The following DGKB variants were observed in gnomAD, a reference collection of about 807,000 sequenced individuals.
DGKB encodes diacylglycerol kinase beta, also known as 90 kDa diacylglycerol kinase.
DGKB carries 67 observed loss-of-function variants against 114.3 expected under a neutral mutation model. That is an observed-to-expected ratio of 0.59 (90% CI 0.48 to 0.72). DGKB has a LOEUF of 0.72. Ranked by LOEUF, DGKB falls within the 30% of genes least tolerant of loss-of-function variation. The pLI, the probability that DGKB is intolerant of heterozygous loss-of-function variation, is 0.00. For missense variants in DGKB, 907 were observed against 975.2 expected (o/e 0.93, Z 0.93); for synonymous variants, 398 against 323.1 (o/e 1.23, Z -2.49).
intron 1 of DGKB, among the ~76,000 whole-genome samples, chr7:14,851,326 T>C (rs183379099): frequency 1.1e-4 from 17 of 152,296 alleles, no homozygotes; most frequent in Admixed American, 1.0e-3. Context: ...AGTTAAGATT[T>C]TGAATTTGGT....
intron 23 of DGKB, among the ~76,000 whole-genome samples, chr7:14,305,683 G>A (rs1328139613): frequency 3.3e-5 from 5 of 152,204 alleles, no homozygotes; most frequent in African/African-American, 1.2e-4. Flanking sequence ...CCTGGCAGTG[G>A]TCCCACAGAT....
chr7:14,960,549 A>G (rs1786781245), intron 1 of DGKB, among the ~76,000 whole-genome samples: 1 of 152,054 alleles, frequency 6.6e-6, no homozygotes, highest in African/African-American at 2.4e-5. Flanking sequence ...AAGGCAAATA[A>G]GAGTAGGAAG....
Position 14,703,379 on chromosome 7 carries a change from C to T in DGKB, c.467-1649G>A, listed in dbSNP as rs1200546629. On this transcript the variant is annotated intron_variant, in intron 6 of 25. Coordinates refer to ENST00000402815, the MANE Select transcript of DGKB (RefSeq NM_001350709.2). ...ATGGGAACATGAACTCAAAGAAACA[C>T]ACATGGGTAGGATATATATAGATAA... Among the ~76,000 whole-genome samples, 3 of 152,176 alleles carry T rather than the reference C, an allele frequency of 2.0e-5. No individual in the cohort carries two copies. The South Asian group carries it at 6.2e-4, about 31-fold the overall frequency.
At chr7:14,189,533 CA>C (rs1467800955) in intron 23 of DGKB, among the ~76,000 whole-genome samples, 7 of 151,958 alleles carry the variant, frequency 4.6e-5, no homozygotes, top group Admixed American at 2.6e-4. Flanking sequence ...AAATAATGAA[CA>C]AAATGGCAGA....
At chr7:14,762,553 T>C (rs1206265203) in intron 2 of DGKB, among the ~76,000 whole-genome samples, 1 of 152,102 alleles carries the variant, frequency 6.6e-6, no homozygotes, top group Non-Finnish European at 1.5e-5. Context: ...GTTTAGAAAA[T>C]GCAAATAGAT....
chr7:14,523,625 T>C (rs1427086864), intron 20 of DGKB, among the ~76,000 whole-genome samples: 2 of 152,154 alleles, frequency 1.3e-5, no homozygotes, highest in East Asian at 1.9e-4. Flanking sequence ...AAAATAGTCA[T>C]ATATTATCTT....
At chr7:14,509,883 G>A (rs921039252) in intron 20 of DGKB, among the ~76,000 whole-genome samples, 2 of 152,166 alleles carry the variant, frequency 1.3e-5, no homozygotes, top group South Asian at 2.1e-4. Context: ...GCAAATAAAA[G>A]TTATAATCAC....
chr7:14,895,560 C>T (rs1401742636), intron 1 of DGKB, among the ~76,000 whole-genome samples: 1 of 151,576 alleles, frequency 6.6e-6, no homozygotes, highest in East Asian at 1.9e-4. Flanking sequence ...GGACTTGTTT[C>T]CTTGTTTAGG....
At chr7:14,440,964 A>C (rs1830006104) in intron 21 of DGKB, among the ~76,000 whole-genome samples, 1 of 152,116 alleles carries the variant, frequency 6.6e-6, no homozygotes, top group Middle Eastern at 3.4e-3. Context: ...TCCTAATTGA[A>C]ACCAGTTGAA....
intron 1 of DGKB, among the ~76,000 whole-genome samples, chr7:14,893,578 A>C (rs1010221149): frequency 2.0e-5 from 3 of 151,328 alleles, no homozygotes; most frequent in African/African-American, 7.3e-5. Context: ...CCAAATTTTT[A>C]TATCTCTTTC....
At chr7:14,713,172 T>A (rs1451667837) in intron 6 of DGKB, among the ~76,000 whole-genome samples, 2 of 152,156 alleles carry the variant, frequency 1.3e-5, no homozygotes, top group Non-Finnish European at 2.9e-5. Context: ...TAATTTTTTA[T>A]ATCCAAATTT....
intron 23 of DGKB, among the ~76,000 whole-genome samples, chr7:14,278,746 T>A (rs1481297746): frequency 6.6e-6 from 1 of 152,034 alleles, no homozygotes; most frequent in East Asian, 1.9e-4. Flanking sequence ...GATAGGGAGT[T>A]AATAAGCAAA....
At chr7:14,856,371 G>C (rs1488095633) in intron 1 of DGKB, among the ~76,000 whole-genome samples, 3 of 152,024 alleles carry the variant, frequency 2.0e-5, no homozygotes, top group Non-Finnish European at 4.4e-5. Context: ...CAATTGGTAA[G>C]CCTATATTTT....
At chr7:14,951,689 C>T (rs1271493008) in intron 1 of DGKB, among the ~76,000 whole-genome samples, 3 of 151,756 alleles carry the variant, frequency 2.0e-5, no homozygotes, top group Admixed American at 6.6e-5. Context: ...AATATTAGCT[C>T]ATCAATTATA....
At chr7:14,471,550 T>C (rs192619750) in intron 21 of DGKB, among the ~76,000 whole-genome samples, 307 of 151,016 alleles carry the variant, frequency 2.0e-3, no homozygotes, top group Admixed American at 3.8e-3. Context: ...AGTAATCTCA[T>C]ATTATTTATT....
chr7:14,733,918 G>T (rs1831309609), intron 5 of DGKB, among the ~76,000 whole-genome samples: 1 of 152,048 alleles, frequency 6.6e-6, no homozygotes, highest in South Asian at 2.1e-4. Flanking sequence ...TCATCATATT[G>T]TCTAAGTTTC....
At chr7:14,843,747 G>C (rs1848271409) in intron 1 of DGKB, among the ~76,000 whole-genome samples, 1 of 152,202 alleles carries the variant, frequency 6.6e-6, no homozygotes, top group Admixed American at 6.5e-5. Flanking sequence ...TCAAATATTT[G>C]TTGAGCCTTG....
intron 23 of DGKB, among the ~76,000 whole-genome samples, chr7:14,337,852 T>C (rs1302442110): frequency 6.6e-6 from 1 of 152,154 alleles, no homozygotes; most frequent in Non-Finnish European, 1.5e-5. Flanking sequence ...ATCTCTAGTT[T>C]ATAAAATCTC....
chr7:14,296,711 GAGAT>G (rs1167518995), intron 23 of DGKB, among the ~76,000 whole-genome samples: 2 of 139,474 alleles, frequency 1.4e-5, no homozygotes. Flanking sequence ...AGAACTGAAG[GAGAT>G]AGAGACACAA....
Sources: gnomAD v4.1 joint callset for allele counts (sites outside exome capture counted in the v4.1 genomes callset) on GRCh38, gnomAD v4.1.1 for gene constraint, MANE v1.5 for transcripts, NCBI Gene and HGNC (gene_info 2026-07-23, HGNC 2026-07-21) for gene names.